The following LRMDA variants were observed in gnomAD, a reference collection of about 807,000 sequenced individuals.
LRMDA encodes leucine-rich melanocyte differentiation-associated protein.
In LRMDA, 18 loss-of-function variants were observed where a neutral mutation model predicts 29.8. That is an observed-to-expected ratio of 0.60 (90% CI 0.42 to 0.90). LRMDA has a LOEUF of 0.90. Ranked by LOEUF, LRMDA falls within the 40% of genes least tolerant of loss-of-function variation. LRMDA has a pLI of 0.00. For synonymous variants in LRMDA, 125 were observed against 109.4 expected (o/e 1.14, Z -0.89); for missense variants, 273 against 273.9 (o/e 1.00, Z 0.02).
At chr10:75,819,652 G>T (rs1376750538) in intron 2 of LRMDA, among the ~76,000 whole-genome samples, 1 of 152,150 alleles carries the variant, frequency 6.6e-6, no homozygotes, top group African/African-American at 2.4e-5. Flanking sequence ...TGGGTTGGCA[G>T]TTGTGGTTCT....
intron 6 of LRMDA, among the ~76,000 whole-genome samples, chr10:76,443,257 T>C (rs183166675): frequency 1.5e-3 from 223 of 152,324 alleles, no homozygotes; most frequent in Admixed American, 0.014. Context: ...GGGGGCTTTC[T>C]ATTTTGCATT....
chr10:75,760,463 G>A (rs929930855), intron 2 of LRMDA, among the ~76,000 whole-genome samples: 1 of 152,158 alleles, frequency 6.6e-6, no homozygotes, highest in Non-Finnish European at 1.5e-5. Context: ...ATTTGACTGT[G>A]TCAGCTCATT....
chr10:76,330,102 CT>C (rs969476222), intron 6 of LRMDA, among the ~76,000 whole-genome samples: 1 of 152,192 alleles, frequency 6.6e-6, no homozygotes, highest in African/African-American at 2.4e-5. Context: ...TACTTGATGA[CT>C]AAACTATTGC....
chr10:75,983,693 C>T (rs1330009744), intron 2 of LRMDA, among the ~76,000 whole-genome samples: 8 of 152,246 alleles, frequency 5.3e-5, no homozygotes, highest in East Asian at 1.9e-4. Flanking sequence ...CTTGCTCTGT[C>T]GCCCAGGCTG....
intron 2 of LRMDA, among the ~76,000 whole-genome samples, chr10:75,659,744 C>A (rs974984665): frequency 2.0e-5 from 3 of 152,210 alleles, no homozygotes; most frequent in African/African-American, 7.2e-5. Flanking sequence ...AGTTATAACA[C>A]TGTATTGTAC....
chr10:76,187,325 T>A (rs796567746), intron 5 of LRMDA, among the ~76,000 whole-genome samples: 2 of 152,286 alleles, frequency 1.3e-5, no homozygotes, highest in African/African-American at 4.8e-5. Context: ...TTAAAAAGAA[T>A]CACATTCTTT....
chr10:76,467,738 G>A (rs576659988), intron 6 of LRMDA, among the ~76,000 whole-genome samples: 1 of 152,220 alleles, frequency 6.6e-6, no homozygotes, highest in South Asian at 2.1e-4. Context: ...GGTCCTTCAT[G>A]GAGGCTAAAG....
chr10:76,522,701 T>G (rs1843133109), intron 6 of LRMDA, among the ~76,000 whole-genome samples: 1 of 152,088 alleles, frequency 6.6e-6, no homozygotes, highest in Non-Finnish European at 1.5e-5. Context: ...CGAATAAAAC[T>G]CCTCAAGCTG....
At chr10:76,461,746 G>T (rs1261008449) in intron 6 of LRMDA, among the ~76,000 whole-genome samples, 2 of 152,084 alleles carry the variant, frequency 1.3e-5, no homozygotes, top group Admixed American at 1.3e-4. Flanking sequence ...TACTCAAAGG[G>T]TGTTTTACAC....
intron 6 of LRMDA, among the ~76,000 whole-genome samples, chr10:76,385,669 C>A (rs1183386784): frequency 6.6e-6 from 1 of 152,174 alleles, no homozygotes; most frequent in East Asian, 1.9e-4. Context: ...TTTGGTCTTC[C>A]TTCTGTTGAA....
At chr10:75,512,357 ATT>A (rs56982317) in intron 2 of LRMDA, among the ~76,000 whole-genome samples, 1 of 145,182 alleles carries the variant, frequency 6.9e-6, no homozygotes. Flanking sequence ...GTGAGCTGTT[ATT>A]TTTTTTTTTT....
At chr10:75,682,014 C>G (rs554722269) in intron 2 of LRMDA, among the ~76,000 whole-genome samples, 1 of 152,198 alleles carries the variant, frequency 6.6e-6, no homozygotes, top group African/African-American at 2.4e-5. Flanking sequence ...TTCCTTTAGG[C>G]GGGTCTAACT....
In LRMDA at chr10:75,531,672, T is replaced by C. The variant is rs564580186; in HGVS notation, c.131+93178T>C. Reference sequence around the variant, plus strand: ...TTGTTCTCTGGACAGGGTCTTTTAATCACCTAGTGTATGTTCAGTTTTAAT... The same window carrying C: ...TTGTTCTCTGGACAGGGTCTTTTAACCACCTAGTGTATGTTCAGTTTTAAT... On this transcript the variant is annotated intron_variant, in intron 2 of 6. Transcript: ENST00000611255. Among the ~76,000 whole-genome samples, 3 of 152,290 alleles carry C rather than the reference T, an allele frequency of 2.0e-5. No individual in the cohort carries two copies. The East Asian group carries it at 5.8e-4, about 29-fold the overall frequency.
intron 2 of LRMDA, among the ~76,000 whole-genome samples, chr10:75,993,927 A>T (rs577213661): frequency 6.6e-6 from 1 of 152,228 alleles, no homozygotes; most frequent in African/African-American, 2.4e-5. Flanking sequence ...TTTGATCAAA[A>T]TTAAATCCAG....
chr10:76,226,774 T>A (rs1851965750), intron 5 of LRMDA, among the ~76,000 whole-genome samples: 1 of 152,122 alleles, frequency 6.6e-6, no homozygotes, highest in African/African-American at 2.4e-5. Context: ...TTCACCTTCC[T>A]CCATGAGTGG....
At chr10:76,358,250 G>T (rs957403251) in intron 6 of LRMDA, among the ~76,000 whole-genome samples, 4 of 152,152 alleles carry the variant, frequency 2.6e-5, no homozygotes, top group Non-Finnish European at 5.9e-5. Context: ...GCAATGGAAC[G>T]TTCATTCACC....
intron 2 of LRMDA, among the ~76,000 whole-genome samples, chr10:75,521,041 A>G (rs1465949413): frequency 6.6e-6 from 1 of 152,188 alleles, no homozygotes; most frequent in African/African-American, 2.4e-5. Flanking sequence ...ATATTGCAGA[A>G]CAGCAAATAT....
intron 2 of LRMDA, among the ~76,000 whole-genome samples, chr10:75,581,270 C>T (rs1840587325): frequency 6.6e-6 from 1 of 152,144 alleles, no homozygotes. Context: ...TGAACAGACA[C>T]TTCTCAAAAG....
chr10:75,928,750 C>T (rs1348254822), intron 2 of LRMDA, among the ~76,000 whole-genome samples: 1 of 152,144 alleles, frequency 6.6e-6, no homozygotes, highest in Non-Finnish European at 1.5e-5. Context: ...TCATGTGGCA[C>T]TGGGTGGCAT....
Sources: allele counts gnomAD v4.1 joint callset (sites outside exome capture counted in the v4.1 genomes callset), GRCh38; gene constraint gnomAD v4.1.1; transcripts MANE v1.5; gene names NCBI Gene and HGNC (gene_info 2026-07-23, HGNC 2026-07-21).